The following C5orf15 variants were observed in gnomAD, a reference collection of about 807,000 sequenced individuals.
The protein encoded by C5orf15 is keratinocyte-associated transmembrane protein 2.
C5orf15 carries 10 observed loss-of-function variants against 17.8 expected under a neutral mutation model. The ratio of observed to expected loss-of-function variants is 0.56; its 90% CI spans 0.35 to 0.95. C5orf15 has a LOEUF of 0.95. Ranked by LOEUF, C5orf15 falls within the 40% of genes least tolerant of loss-of-function variation. The pLI, the probability that C5orf15 is intolerant of heterozygous loss-of-function variation, is 0.02. For synonymous variants in C5orf15, 124 were observed against 131.0 expected, an observed-to-expected ratio of 0.95 and a Z score of 0.36; for missense variants, 319 against 331.7, an observed-to-expected ratio of 0.96 and a Z score of 0.30.
chr5:133,956,874 A>T lies in C5orf15; in HGVS notation c.783T>A (p.Asn261Lys). ...TCACAGTGCTTTAAAAAATATAATCATTGGTAATCTTCAAAGAAGGCATTG... is the reference window on the plus strand; with the variant it reads ...TCACAGTGCTTTAAAAAATATAATCTTTGGTAATCTTCAAAGAAGGCATTG... ...NEAMPSLKIT[N>K]DYIF The change falls in exon 3 of 3, where the codon AAT becomes AAA. Residue 261 changes from asparagine (N) to lysine (K), a missense_variant. Physicochemically the swap from Asn to Lys is moderately conservative, Grantham distance 94. This residue lies in a region of C5orf15 where 175 missense variants were observed against 192.4 expected (regional missense o/e 0.91). Transcript: ENST00000231512. 1 of 1,590,882 alleles carries T rather than the reference A, an allele frequency of 6.3e-7. No individual in the cohort carries two copies. The highest frequency in any genetic ancestry group is 8.5e-7 in the Non-Finnish European group (1 of 1,171,844).
At chr5:133,966,914 G>C (rs1266789622) in intron 1 of C5orf15, among the ~76,000 whole-genome samples, 2 of 152,164 alleles carry the variant, frequency 1.3e-5, no homozygotes, top group Non-Finnish European at 2.9e-5. Context: ...AAATGTCTCA[G>C]TATAGTTAGA....
Position 133,956,806 on chromosome 5 carries a change from A to G in C5orf15, c.*53T>C. 1 of 1,547,562 alleles carries G rather than the reference A, an allele frequency of 6.5e-7. No homozygotes were observed. The highest frequency in any genetic ancestry group is 1.2e-5 in the South Asian group (1 of 80,552). On this transcript the variant is annotated 3_prime_UTR_variant, in exon 3 of 3. Transcript: ENST00000231512. Reference sequence around the variant, plus strand: ...CTATGGCAAACATTTGCACAATATCATATAAAAAGTCAAGCAAATAAAATT... The same window carrying G: ...CTATGGCAAACATTTGCACAATATCGTATAAAAAGTCAAGCAAATAAAATT...
rs541946016 is a variant in C5orf15 at position 133,965,664 on chromosome 5, G to A, written c.139+2782C>T. ...GCTTAGGCCGGACACGGTGGCTCAC[G>A]CCTGTAACCCTAGCACTTTGGGAGG... On this transcript the variant is annotated intron_variant, in intron 1 of 2. Transcript: ENST00000231512. Among the ~76,000 whole-genome samples, 5 of 152,326 alleles carry A rather than the reference G, an allele frequency of 3.3e-5. No homozygotes were observed. In the South Asian group the frequency reaches 6.2e-4, roughly 19 times the overall value.
Position 133,959,682 on chromosome 5 carries a change from T to C in C5orf15, c.478A>G (p.Arg160Gly), listed in dbSNP as rs1752090644. The C allele has an allele frequency of 6.2e-7, 1 of 1,613,440 alleles. No individual in the cohort carries two copies. The highest frequency in any genetic ancestry group is 8.5e-7 in the Non-Finnish European group (1 of 1,179,770). The change falls in exon 2 of 3, where the codon AGG becomes GGG. Residue 160 changes from arginine (R) to glycine (G), a missense_variant. Around this residue, in one of 3 missense-constraint regions of C5orf15, gnomAD observed 175 missense variants for 192.4 expected, o/e 0.91. Transcript: ENST00000231512. ...GTGTCATCAGACTCGTCGTCGTCCC[T>C]GGGGCCCGTGGTCCAGTCATAGTCT... ...EPDYDWTTGPRDDDESDDTLE... is the reference protein window; with the variant it reads ...EPDYDWTTGPGDDDESDDTLE...
At chr5:133,958,962 A>G (rs1752078263) in intron 2 of C5orf15, among the ~76,000 whole-genome samples, 2 of 152,042 alleles carry the variant, frequency 1.3e-5, no homozygotes. Context: ...TTCTTTTTTT[A>G]GAAGTACATA....
At chr5:133,961,308 G>C (rs2126877333) in intron 1 of C5orf15, among the ~76,000 whole-genome samples, 1 of 149,676 alleles carries the variant, frequency 6.7e-6, no homozygotes, top group South Asian at 2.1e-4. Flanking sequence ...CACTTTGGGA[G>C]GCCGAGGCAG....
intron 2 of C5orf15, among the ~76,000 whole-genome samples, chr5:133,958,267 T>G (rs866402230): frequency 2.0e-5 from 3 of 151,896 alleles, no homozygotes; most frequent in South Asian, 2.1e-4. Flanking sequence ...ATGCTCATGA[T>G]TGGTCAGGAC....
At chr5:133,967,671 G>T (rs1752215853) in intron 1 of C5orf15, among the ~76,000 whole-genome samples, 1 of 152,138 alleles carries the variant, frequency 6.6e-6, no homozygotes, top group Admixed American at 6.6e-5. Flanking sequence ...ACGAGGCAGG[G>T]TTATCCTGGT....
intron 1 of C5orf15, among the ~76,000 whole-genome samples, chr5:133,966,041 G>A (rs1226869662): frequency 6.6e-6 from 1 of 152,034 alleles, no homozygotes. Flanking sequence ...TGGATAACAC[G>A]GTGAAACCCC....
intron 1 of C5orf15, among the ~76,000 whole-genome samples, chr5:133,966,646 A>G (rs1752197545): frequency 6.6e-6 from 1 of 152,248 alleles, no homozygotes; most frequent in African/African-American, 2.4e-5. Flanking sequence ...CTACCTTTGT[A>G]AACTCACTTG....
At chr5:133,968,326 A>C (rs1752225820) in intron 1 of C5orf15, 120 bp downstream of exon 1, 1 of 1,387,392 alleles carries the variant, frequency 7.2e-7, no homozygotes. Context: ...CCCTGACCCA[A>C]CCAGACACCG....
chr5:133,956,726 T>C lies in C5orf15; in HGVS notation c.*133A>G. 1.2e-6 allele frequency: 1 copy of C among 862,500 alleles called. No homozygotes were observed. The highest frequency in any genetic ancestry group is 1.7e-6 in the Non-Finnish European group (1 of 604,894). 53.4% of individuals were successfully genotyped at this position (862,500 alleles called of 1,614,324 possible). On this transcript the variant is annotated 3_prime_UTR_variant, in exon 3 of 3. Transcript: ENST00000231512. Reference sequence around the variant, plus strand: ...TTATATACTCGTTTGTGACATTTAATTTCCAAAGCACCAAGGCAAAAGAGA... The same window carrying C: ...TTATATACTCGTTTGTGACATTTAACTTCCAAAGCACCAAGGCAAAAGAGA...
Position 133,959,852 on chromosome 5 carries a change from AC to A in C5orf15, c.307del (p.Val103SerfsTer22). 6.2e-7 allele frequency: 1 copy of A among 1,614,072 alleles called. No homozygotes were observed. Among genetic ancestry groups the A allele is most frequent in the Non-Finnish European group, 8.5e-7 (1 of 1,179,990 alleles). On this transcript the variant is annotated frameshift_variant, in exon 2 of 3. Coordinates refer to ENST00000231512, the MANE Select transcript of C5orf15 (RefSeq NM_020199.3). LOFTEE classifies it high-confidence loss of function. ...STKKSGGASV[V>X]PHPSPTPLSQ... is the part of the protein sequence containing the mutation. ...CAGAGGAGTAGGCGAGGGATGAGGGACCACAGATGCTCCTCCACTTTTCTTG... is the reference window on the plus strand; with the variant it reads ...CAGAGGAGTAGGCGAGGGATGAGGGACACAGATGCTCCTCCACTTTTCTTG...
chr5:133,959,101 C>G (rs567871916), intron 2 of C5orf15, among the ~76,000 whole-genome samples: 1 of 152,106 alleles, frequency 6.6e-6, no homozygotes, highest in Non-Finnish European at 1.5e-5. Flanking sequence ...CATGGTGGCT[C>G]ATGTCTGTAA....
At chr5:133,962,540 T>C (rs941410149) in intron 1 of C5orf15, among the ~76,000 whole-genome samples, 1 of 152,200 alleles carries the variant, frequency 6.6e-6, no homozygotes, top group African/African-American at 2.4e-5. Context: ...TCCAAAGTCA[T>C]GCCCCCTAAT....
chr5:133,965,579 A>G (rs1280376045), intron 1 of C5orf15, among the ~76,000 whole-genome samples: 1 of 152,198 alleles, frequency 6.6e-6, no homozygotes, highest in Non-Finnish European at 1.5e-5. Context: ...AGACTTCTAA[A>G]TCTTCCCTTT....
chr5:133,956,698 A>C lies in C5orf15; in HGVS notation c.*161T>G. The C allele has an allele frequency of 1.6e-6, 1 of 620,164 alleles. No homozygotes were observed. The highest frequency in any genetic ancestry group is 2.4e-6 in the Non-Finnish European group (1 of 408,588). The allele number at this position is 620,164 out of a possible 1,614,324, so 38.4% of individuals were successfully genotyped here. A position where few individuals can be genotyped will look rare whatever the true frequency, so the allele number is the denominator to read the frequency against. On this transcript the variant is annotated 3_prime_UTR_variant, in exon 3 of 3. Transcript: ENST00000231512. ...ACTCAGCTCTAAAAGTACAGATAAAAAATTATATACTCGTTTGTGACATTT... is the reference window on the plus strand; with the variant it reads ...ACTCAGCTCTAAAAGTACAGATAAACAATTATATACTCGTTTGTGACATTT...
In C5orf15 at chr5:133,956,871, A is replaced by G; in HGVS notation, c.786T>C (p.Asp262=). ...EAMPSLKITN[D]YIF ...AAATCACAGTGCTTTAAAAAATATA[A>G]TCATTGGTAATCTTCAAAGAAGGCA... Residue 262 remains aspartate (D), a synonymous_variant, in exon 3 of 3, where the codon GAT becomes GAC. Transcript: ENST00000231512. 6.3e-7 allele frequency: 1 copy of G among 1,586,886 alleles called. No homozygotes were observed. The highest frequency in any genetic ancestry group is 8.5e-7 in the Non-Finnish European group (1 of 1,171,004).
chr5:133,961,338 G>A (rs1482734968), intron 1 of C5orf15, among the ~76,000 whole-genome samples: 2 of 150,244 alleles, frequency 1.3e-5, no homozygotes, highest in Non-Finnish European at 3.0e-5. Flanking sequence ...GAGGTCAGGA[G>A]CTCGAGACCA....
Sources: allele counts gnomAD v4.1 joint callset (sites outside exome capture counted in the v4.1 genomes callset), GRCh38; gene constraint gnomAD v4.1.1; regional missense constraint gnomAD v4.1.1; transcripts MANE v1.5; gene names NCBI Gene and HGNC (gene_info 2026-07-23, HGNC 2026-07-21).